OSBPL9: variants seen among roughly 807,000 people sequenced by gnomAD.
OSBPL9 encodes oxysterol-binding protein-related protein 9.
A neutral mutation model predicts 106.6 loss-of-function variants in OSBPL9; 40 were observed. The ratio of observed to expected loss-of-function variants is 0.38; its 90% CI spans 0.29 to 0.49. The LOEUF is 0.49. Ranked by LOEUF, OSBPL9 falls within the 20% of genes least tolerant of loss-of-function variation. The pLI, the probability that OSBPL9 is intolerant of heterozygous loss-of-function variation, is 0.97. For synonymous variants in OSBPL9, 269 were observed against 295.4 expected, an observed-to-expected ratio of 0.91 and a Z score of 0.92; for missense variants, 609 against 887.2, an observed-to-expected ratio of 0.69 and a Z score of 3.98.
In OSBPL9 at chr1:51,788,838, A is replaced by ATATCTATC. The variant is rs72343545; in HGVS notation, c.*1062_*1069dup. Among the ~76,000 whole-genome samples the ATATCTATC allele has an allele frequency of 1.3e-5, 2 of 151,916 alleles. No homozygotes were observed. Among genetic ancestry groups the ATATCTATC allele is most frequent in the Non-Finnish European group, 1.5e-5 (1 of 67,994 alleles). ...TCATTCTGAAGGGAAATACAGAACT[A>ATATCTATC]TATCTATCTATCTATCTATCATCTT... On this transcript the variant is annotated 3_prime_UTR_variant, in exon 24 of 24. Transcript: ENST00000428468.
chr1:51,641,450 G>A (rs557386321), intron 1 of OSBPL9, among the ~76,000 whole-genome samples: 1 of 152,102 alleles, frequency 6.6e-6, no homozygotes, highest in Non-Finnish European at 1.5e-5. Flanking sequence ...ATAAATACAT[G>A]TTTCTCACAT....
chr1:51,631,223 C>CA (rs1300291887), intron 1 of OSBPL9, among the ~76,000 whole-genome samples: 1 of 151,956 alleles, frequency 6.6e-6, no homozygotes, highest in Admixed American at 6.6e-5. Flanking sequence ...GTCAGACATG[C>CA]AAAAAACTTG....
upstream of OSBPL9, among the ~76,000 whole-genome samples, chr1:51,574,224 C>T (rs1255309515): frequency 1.3e-5 from 2 of 152,154 alleles, no homozygotes; most frequent in Non-Finnish European, 2.9e-5. Context: ...TGTGGAGTGG[C>T]TTGAATACCA....
chr1:51,543,607 G>C, the OSBPL9 span, among the ~76,000 whole-genome samples: 1 of 152,144 alleles, frequency 6.6e-6, no homozygotes, highest in Non-Finnish European at 1.5e-5. Flanking sequence ...GTGTTAGCCA[G>C]GGTGGTCTTG....
intron 1 of OSBPL9, among the ~76,000 whole-genome samples, chr1:51,597,810 G>A (rs1270247430): frequency 6.6e-6 from 1 of 152,174 alleles, no homozygotes; most frequent in East Asian, 1.9e-4. Context: ...CTCTTAAAGG[G>A]AGTGTCAAAA....
intron 1 of OSBPL9, among the ~76,000 whole-genome samples, chr1:51,643,742 T>TGG (rs927488601): frequency 5.3e-5 from 8 of 151,828 alleles, no homozygotes; most frequent in Non-Finnish European, 1.2e-4. Context: ...GGCTCCTGTG[T>TGG]GGAGAAAGGA....
chr1:51,745,944 A>G (rs575659026), intron 5 of OSBPL9, among the ~76,000 whole-genome samples: 40 of 152,170 alleles, frequency 2.6e-4, no homozygotes, highest in Non-Finnish European at 4.6e-4. Flanking sequence ...ACTGTGTTTT[A>G]GTGGCTCAAT....
chr1:51,669,558 T>G (rs761595337), intron 3 of OSBPL9, 46 bp downstream of exon 3: 4 of 1,565,510 alleles, frequency 2.6e-6, no homozygotes, highest in Admixed American at 1.7e-5. Context: ...CCCATCTGCT[T>G]CTTTTCTTCT....
upstream of OSBPL9, chr1:51,614,280 C>T (rs1279067345): frequency 6.6e-6 from 1 of 151,894 alleles, no homozygotes; most frequent in Non-Finnish European, 1.5e-5. Flanking sequence ...TTCTTATTTA[C>T]TTCTTTTTCA....
intron 5 of OSBPL9, 38 bp downstream of exon 5, chr1:51,745,669 G>A: frequency 5.5e-6 from 8 of 1,443,460 alleles, no homozygotes; most frequent in Non-Finnish European, 7.3e-6. Context: ...TATATAAATA[G>A]AAAATGTTAC....
Position 51,625,946 on chromosome 1 carries a change from T to C in OSBPL9, c.111+8725T>C, listed in dbSNP as rs116571249. ...GGTATTCATAATTAATTTTTTTCTA[T>C]TCACATGACAATGTTAAAATTATTG... is the stretch of plus-strand genomic sequence containing the variant. On this transcript the variant is annotated intron_variant, in intron 1 of 23. Transcript: ENST00000428468. 2.3e-3 allele frequency among the ~76,000 whole-genome samples: 350 copies of C among 152,356 alleles called. 4 individuals carry two copies. The highest frequency in any genetic ancestry group is 8.2e-3 in the African/African-American group (342 of 41,584).
At chr1:51,741,032 G>A (rs1369981621) in intron 4 of OSBPL9, among the ~76,000 whole-genome samples, 5 of 149,778 alleles carry the variant, frequency 3.3e-5, no homozygotes, top group Non-Finnish European at 6.0e-5. Flanking sequence ...ATTCAGTTAC[G>A]TGTATGTGTA....
chr1:51,615,454 C>CT (rs138835763), upstream of OSBPL9, among the ~76,000 whole-genome samples: 1,871 of 152,144 alleles, frequency 0.012, 40 homozygotes, highest in African/African-American at 0.044. Context: ...TCCTTTCTTT[C>CT]TTTTTTTGTA....
chr1:51,627,897 A>G (rs1644863150), intron 1 of OSBPL9, among the ~76,000 whole-genome samples: 1 of 152,286 alleles, frequency 6.6e-6, no homozygotes, highest in African/African-American at 2.4e-5. Flanking sequence ...GCTAAACCCA[A>G]TGGGTGCTTT....
the OSBPL9 span, among the ~76,000 whole-genome samples, chr1:51,545,291 C>G: frequency 1.3e-5 from 2 of 152,090 alleles, no homozygotes; most frequent in Non-Finnish European, 2.9e-5. Flanking sequence ...TTAAAAGGAA[C>G]AATAGACAAA....
the OSBPL9 span, among the ~76,000 whole-genome samples, chr1:51,533,841 C>CTT: frequency 8.1e-6 from 1 of 124,172 alleles, no homozygotes; most frequent in African/African-American, 3.1e-5. Flanking sequence ...TTTCTTTTTT[C>CTT]TTTCTTTTTT....
chr1:51,559,340 C>G, the OSBPL9 span, among the ~76,000 whole-genome samples: 1 of 151,784 alleles, frequency 6.6e-6, no homozygotes, highest in South Asian at 2.1e-4. Context: ...GTGTCAGACC[C>G]GATTAGAAGT....
chr1:51,593,239 GA>G (rs1267970519), intron 1 of OSBPL9, among the ~76,000 whole-genome samples: 7 of 151,966 alleles, frequency 4.6e-5, no homozygotes, highest in African/African-American at 1.5e-4. Context: ...AAATAGTGGG[GA>G]AAAAAGATTA....
chr1:51,606,551 A>G (rs1410577480), intron 2 of OSBPL9, among the ~76,000 whole-genome samples: 3 of 152,262 alleles, frequency 2.0e-5, no homozygotes, highest in Non-Finnish European at 2.9e-5. Context: ...GGCTGTTGCA[A>G]TCTGACAGGA....
Sources: gnomAD v4.1 joint callset for allele counts (sites outside exome capture counted in the v4.1 genomes callset) on GRCh38, gnomAD v4.1.1 for gene constraint, MANE v1.5 for transcripts, NCBI Gene and HGNC (gene_info 2026-07-23, HGNC 2026-07-21) for gene names.